RIPOR2: variants seen among roughly 807,000 people sequenced by gnomAD.
RIPOR2 encodes the protein RHO family interacting cell polarization regulator 2.
In RIPOR2, 39 loss-of-function variants were observed where a neutral mutation model predicts 114.5. That is an observed-to-expected ratio of 0.34 (90% CI 0.26 to 0.44). The LOEUF (loss-of-function observed/expected upper bound fraction) is 0.44, where lower values mean the gene tolerates loss of function less well. Ranked by LOEUF, RIPOR2 falls within the 20% of genes least tolerant of loss-of-function variation. RIPOR2 has a pLI of 1.00. For missense variants in RIPOR2, 1,007 were observed against 1,255.1 expected (o/e 0.80, Z 2.99); for synonymous variants, 445 against 484.4 (o/e 0.92, Z 1.07).
chr6:24,832,225 G>T, intron 16 of RIPOR2, 31 bp downstream of exon 16: 3 of 1,548,162 alleles, frequency 1.9e-6, no homozygotes, highest in Non-Finnish European at 2.6e-6. Context: ...CATCATTTAC[G>T]TGAATAGCGG....
chr6:24,926,726 C>T (rs980136759), intron 1 of RIPOR2, among the ~76,000 whole-genome samples: 60 of 152,072 alleles, frequency 3.9e-4, no homozygotes, highest in Non-Finnish European at 7.4e-4. Flanking sequence ...AGAAAATCGC[C>T]GTTACATAAT....
chr6:25,022,531 C>CTTTTTTTTTTTTTTTTTTTTTTTTTTT lies in RIPOR2; in HGVS notation c.76+19319_76+19320insAAAAAAAAAAAAAAAAAAAAAAAAAAA, dbSNP rs1561848668. 2.3e-4 allele frequency among the ~76,000 whole-genome samples: 15 copies of CTTTTTTTTTTTTTTTTTTTTTTTTTTT among 64,506 alleles called. 2 individuals carry two copies. The highest frequency in any genetic ancestry group is 4.5e-4 in the Non-Finnish European group (13 of 29,024). 42.3% of individuals were successfully genotyped at this position (64,506 alleles called of 152,430 possible). A position where few individuals can be genotyped will look rare whatever the true frequency, so the allele number is the denominator to read the frequency against. ...CACATATAACTAATGTGGTACCTTC[C>CTTTTTTTTTTTTTTTTTTTTTTTTTTT]ATTTTTTTTTTTTTTTTTTTTTTTT... On this transcript the variant is annotated intron_variant, in intron 1 of 13. Coordinates refer to the RIPOR2 transcript ENST00000510784.
chr6:24,876,193 G>T (rs2113903631), intron 1 of RIPOR2, among the ~76,000 whole-genome samples: 1 of 152,140 alleles, frequency 6.6e-6, no homozygotes, highest in South Asian at 2.1e-4. Context: ...GGGAGGCTGA[G>T]GCAGGAGAAT....
chr6:24,850,593 G>A lies in RIPOR2; in HGVS notation c.885+4C>T, dbSNP rs749310870. 6.2e-7 allele frequency: 1 copy of A among 1,613,816 alleles called. No homozygotes were observed. Among genetic ancestry groups the A allele is most frequent in the South Asian group, 1.1e-5 (1 of 91,074 alleles). On this transcript the variant is annotated splice_donor_region_variant and intron_variant, in intron 10 of 21. Coordinates refer to ENST00000643898, the MANE Select transcript of RIPOR2 (RefSeq NM_001286445.3). ...AAAGACAACAGGCAATGACAATACT[G>A]TACCTTGATGGAGATGAACCCAACT... is the stretch of plus-strand genomic sequence containing the variant.
intron 1 of RIPOR2, among the ~76,000 whole-genome samples, chr6:25,036,836 G>C (rs987897707): frequency 6.6e-6 from 1 of 152,182 alleles, no homozygotes; most frequent in Admixed American, 6.5e-5. Flanking sequence ...CACACCCCTA[G>C]GGGCCAAGAT....
chr6:24,822,405 A>G (rs1562219606), intron 19 of RIPOR2, among the ~76,000 whole-genome samples: 1 of 152,242 alleles, frequency 6.6e-6, no homozygotes, highest in African/African-American at 2.4e-5. Flanking sequence ...CCAAGCTAAC[A>G]TGCTAGGTGA....
rs3813680 is a variant in RIPOR2 at position 24,847,858 on chromosome 6, A to G, written c.1164+167T>C. 0.11 allele frequency among the ~76,000 whole-genome samples: 16,775 copies of G among 152,290 alleles called. 1,220 individuals are homozygous for G. The highest frequency in any genetic ancestry group is 0.15 in the Non-Finnish European group (10,112 of 68,012). ...TGTTCAGAAAAATCTACATGTTACC[A>G]TCACAGCAATAGGTAAGGTGGGCAA... On this transcript the variant is annotated intron_variant, in intron 12 of 21. Transcript: ENST00000643898.
intron 1 of RIPOR2, among the ~76,000 whole-genome samples, chr6:25,033,077 T>C (rs1157556884): frequency 6.6e-6 from 1 of 152,104 alleles, no homozygotes; most frequent in African/African-American, 2.4e-5. Context: ...GGTGGCACAT[T>C]CCTGTGGTCC....
intron 1 of RIPOR2, among the ~76,000 whole-genome samples, chr6:24,935,370 G>C (rs1281595081): frequency 6.8e-6 from 1 of 147,786 alleles, no homozygotes; most frequent in Non-Finnish European, 1.5e-5. Flanking sequence ...GATAGACAGA[G>C]AGAGAGAGAC....
At chr6:24,881,465 CA>C (rs957281997) in intron 1 of RIPOR2, among the ~76,000 whole-genome samples, 10 of 152,126 alleles carry the variant, frequency 6.6e-5, no homozygotes, top group Non-Finnish European at 1.5e-4. Context: ...GGGAACAACA[CA>C]ACAGGGTCTT....
Position 24,987,308 on chromosome 6 carries a change from A to T in RIPOR2, c.76+54543T>A, listed in dbSNP as rs1236736072. Among the ~76,000 whole-genome samples the T allele has an allele frequency of 2.0e-5, 3 of 152,296 alleles. No individual in the cohort carries two copies. In the East Asian group the frequency reaches 5.8e-4, roughly 29 times the overall value. On this transcript the variant is annotated intron_variant, in intron 1 of 13. Transcript: ENST00000510784. ...TGTGACTTACATGCCAGCAAGTCTC[A>T]GTTTCCTCAGCAGTCAGATAGAGGT...
intron 1 of RIPOR2, among the ~76,000 whole-genome samples, chr6:25,031,870 G>A (rs1314545463): frequency 6.8e-6 from 1 of 147,582 alleles, no homozygotes; most frequent in Non-Finnish European, 1.5e-5. Flanking sequence ...TATATTCACT[G>A]TATAATTATT....
intron 1 of RIPOR2, among the ~76,000 whole-genome samples, chr6:24,942,278 T>C (rs415025): frequency 0.15 from 22,713 of 152,204 alleles, 1,902 homozygotes; most frequent in East Asian, 0.34. Context: ...TCTTACCGAG[T>C]TGATACTATG....
At chr6:24,840,891 G>T in intron 13 of RIPOR2, 1 of 971,208 alleles carries the variant, frequency 1.0e-6, no homozygotes, top group Non-Finnish European at 1.5e-6. Flanking sequence ...GATGTTTTCA[G>T]CAGTCTCAGG....
intron 14 of RIPOR2, among the ~76,000 whole-genome samples, chr6:24,838,853 T>A (rs1231434516): frequency 6.6e-6 from 1 of 152,140 alleles, no homozygotes; most frequent in Non-Finnish European, 1.5e-5. Context: ...TTTTCCTCTC[T>A]ATTTATAAAG....
intron 1 of RIPOR2, among the ~76,000 whole-genome samples, chr6:24,932,722 T>G (rs1483287343): frequency 6.6e-6 from 1 of 152,206 alleles, no homozygotes; most frequent in Non-Finnish European, 1.5e-5. Context: ...CTGTGTAACC[T>G]CTAGGAGAAA....
chr6:24,975,123 T>C (rs528903975), intron 1 of RIPOR2, among the ~76,000 whole-genome samples: 1 of 152,330 alleles, frequency 6.6e-6, no homozygotes, highest in East Asian at 1.9e-4. Flanking sequence ...TTATACACTT[T>C]AAATTGGTGA....
Position 24,858,766 on chromosome 6 carries a change from TGGA to T in RIPOR2, c.715+2204_715+2206del, listed in dbSNP as rs370819568. Among the ~76,000 whole-genome samples, 2 of 151,806 alleles carry T rather than the reference TGGA, an allele frequency of 1.3e-5. No individual in the cohort carries two copies. Among genetic ancestry groups the T allele is most frequent in the African/African-American group, 4.8e-5 (2 of 41,296 alleles). ...CAAGAACAACAGAGAGAGGAGGAGA[TGGA>T]GGAGCAGGAGCAACAGCAAGTTCAT... is the stretch of plus-strand genomic sequence containing the variant. On this transcript the variant is annotated intron_variant, in intron 8 of 21. Coordinates refer to ENST00000643898, the MANE Select transcript of RIPOR2 (RefSeq NM_001286445.3). The surrounding 1 kb of genome is among the most constrained non-coding windows in gnomAD (Gnocchi z 4.0).
At chr6:24,897,093 T>C (rs1014481950) in intron 1 of RIPOR2, among the ~76,000 whole-genome samples, 1 of 152,196 alleles carries the variant, frequency 6.6e-6, no homozygotes, top group Admixed American at 6.5e-5. Flanking sequence ...TCACACTGTA[T>C]ATTTCTCAAA....
Sources: allele counts gnomAD v4.1 joint callset (sites outside exome capture counted in the v4.1 genomes callset), GRCh38; gene constraint gnomAD v4.1.1; non-coding constraint Gnocchi (gnomAD v3.1); transcripts MANE v1.5; gene names NCBI Gene and HGNC (gene_info 2026-07-23, HGNC 2026-07-21).